The following CACNG5 variants were observed in gnomAD, a reference collection of about 807,000 sequenced individuals.
The protein encoded by CACNG5 is calcium voltage-gated channel auxiliary subunit gamma 5.
CACNG5 carries 18 observed loss-of-function variants against 24.8 expected under a neutral mutation model. The ratio of observed to expected loss-of-function variants is 0.73; its 90% CI spans 0.50 to 1.08. The LOEUF (loss-of-function observed/expected upper bound fraction) is 1.08. CACNG5 is among the 50% of genes least tolerant of loss of function. The pLI is 0.00. For synonymous variants in CACNG5, 157 were observed against 149.1 expected, an observed-to-expected ratio of 1.05 and a Z score of -0.39; for missense variants, 349 against 367.9, an observed-to-expected ratio of 0.95 and a Z score of 0.42.
intron 1 of CACNG5, among the ~76,000 whole-genome samples, chr17:66,871,338 T>G (rs2048137): frequency 0.51 from 77,642 of 151,864 alleles, 20,431 homozygotes; most frequent in South Asian, 0.64. Context: ...CACTCTGAGT[T>G]TTCTCTGAGC....
At chr17:66,857,531 G>A (rs1424562837) in intron 1 of CACNG5, among the ~76,000 whole-genome samples, 2 of 152,168 alleles carry the variant, frequency 1.3e-5, no homozygotes, top group East Asian at 3.8e-4. Context: ...TGTGATCAAT[G>A]TTTTTTAAAT....
intron 1 of CACNG5, among the ~76,000 whole-genome samples, chr17:66,852,764 C>T (rs1048838892): frequency 6.6e-6 from 1 of 152,100 alleles, no homozygotes; most frequent in African/African-American, 2.4e-5. Flanking sequence ...TCTACAAGTT[C>T]ATATAAAGGA....
intron 1 of CACNG5, among the ~76,000 whole-genome samples, chr17:66,840,063 A>G (rs948989338): frequency 1.3e-5 from 2 of 152,168 alleles, no homozygotes; most frequent in African/African-American, 4.8e-5. Context: ...GACGAGCCAC[A>G]GAATCTCTCT....
intron 2 of CACNG5, 116 bp downstream of exon 2, chr17:66,877,644 G>A (rs1237100744): frequency 1.4e-5 from 12 of 842,982 alleles, no homozygotes; most frequent in East Asian, 1.3e-4. Context: ...CACCACGGAT[G>A]ATCCCTATAT....
chr17:66,848,143 G>T (rs1976663098), intron 1 of CACNG5, among the ~76,000 whole-genome samples: 1 of 152,194 alleles, frequency 6.6e-6, no homozygotes, highest in African/African-American at 2.4e-5. Flanking sequence ...CGGTAGCAGG[G>T]GTCTTGATCT....
At chr17:66,872,162 T>A (rs1977016870) in intron 1 of CACNG5, among the ~76,000 whole-genome samples, 1 of 152,244 alleles carries the variant, frequency 6.6e-6, no homozygotes, top group African/African-American at 2.4e-5. Flanking sequence ...TTTGGGTTAT[T>A]TCTTTCCAGT....
rs544102672 is a variant in CACNG5, at chr17:66,848,796, G to A, written c.-104+13546G>A. Among the ~76,000 whole-genome samples, 432 of 152,260 alleles carry A rather than the reference G, an allele frequency of 2.8e-3. 1 individual carries two copies. Among genetic ancestry groups the A allele is most frequent in the Non-Finnish European group, 4.8e-3 (329 of 68,016 alleles). On this transcript the variant is annotated intron_variant, in intron 1 of 5. Coordinates refer to ENST00000533854, the MANE Select transcript of CACNG5 (RefSeq NM_145811.3). ...GCTGGATGCAAGGAGAAGCCAGGAC[G>A]TCTGACCTTGACCTTGGGATTAACA...
chr17:66,874,574 C>T (rs1482313052), intron 1 of CACNG5, among the ~76,000 whole-genome samples: 5 of 152,118 alleles, frequency 3.3e-5, no homozygotes, highest in Non-Finnish European at 5.9e-5. Flanking sequence ...ATCCAGTCTT[C>T]GAGGGTGAGA....
intron 2 of CACNG5, among the ~76,000 whole-genome samples, chr17:66,878,094 G>A (rs183259496): frequency 6.6e-6 from 1 of 152,354 alleles, no homozygotes; most frequent in East Asian, 1.9e-4. Context: ...CAGCATGGTA[G>A]AGGTTTTGAC....
intron 1 of CACNG5, among the ~76,000 whole-genome samples, chr17:66,844,745 C>T (rs1368943472): frequency 1.3e-5 from 2 of 152,150 alleles, no homozygotes; most frequent in African/African-American, 2.4e-5. Flanking sequence ...TGAATGTCTA[C>T]GAGGTCACTA....
At position 66,894,177 on chromosome 17, in the gene CACNG5, C is replaced by T. The variant is rs1977382256; in HGVS notation, c.*8937C>T. Among the ~76,000 whole-genome samples the T allele has an allele frequency of 6.6e-6, 1 of 152,178 alleles. No individual in the cohort carries two copies. The highest frequency in any genetic ancestry group is 2.4e-5 in the African/African-American group (1 of 41,440). On this transcript the variant is annotated 3_prime_UTR_variant, in exon 6 of 6. Transcript: ENST00000533854. ...ATCAATTGCACCTCCTCACTCATGT[C>T]CTTCCAGGTGTGGGGACTGTCCCCA...
intron 1 of CACNG5, among the ~76,000 whole-genome samples, chr17:66,858,991 C>A (rs988726952): frequency 6.6e-6 from 1 of 152,188 alleles, no homozygotes; most frequent in African/African-American, 2.4e-5. Flanking sequence ...CCATGAGAAG[C>A]GATGGCCTTT....
rs1015946430 is a variant in CACNG5, at chr17:66,867,756, G to C, written c.-103-9474G>C. Among the ~76,000 whole-genome samples the C allele has an allele frequency of 2.6e-5, 4 of 152,196 alleles. No individual in the cohort carries two copies. The East Asian group carries it at 7.7e-4, about 29-fold the overall frequency. On this transcript the variant is annotated intron_variant, in intron 1 of 5. Transcript: ENST00000533854. ...CTTTCCCCATTGCTTGTTTTTGTCAGGTTTGTTGAAGATCAAATCATTGTA... is the reference window on the plus strand; with the variant it reads ...CTTTCCCCATTGCTTGTTTTTGTCACGTTTGTTGAAGATCAAATCATTGTA...
At chr17:66,858,090 A>T (rs1976805963) in intron 1 of CACNG5, among the ~76,000 whole-genome samples, 1 of 152,116 alleles carries the variant, frequency 6.6e-6, no homozygotes, top group Admixed American at 6.5e-5. Context: ...GAAAGCAGAC[A>T]CTTTCCTCTC....
intron 1 of CACNG5, among the ~76,000 whole-genome samples, chr17:66,844,821 C>T (rs1976614863): frequency 6.6e-6 from 1 of 152,166 alleles, no homozygotes. Context: ...CATCCAAAGT[C>T]ACCAAGCTCA....
In CACNG5 at chr17:66,884,513, C is replaced by T; in HGVS notation, c.425-3C>T. The T allele has an allele frequency of 1.2e-6, 2 of 1,604,662 alleles. No homozygotes were observed. The highest frequency in any genetic ancestry group is 1.7e-6 in the Non-Finnish European group (2 of 1,174,420). ...CATCCCCTCTCCCCTGCTGCCCAAC[C>T]AGGCCTCTCTCTCGTGGTGGGCCTG... is the stretch of plus-strand genomic sequence containing the variant. On this transcript the variant is annotated splice_region_variant and splice_polypyrimidine_tract_variant and intron_variant, in intron 4 of 5. Coordinates refer to ENST00000533854, the MANE Select transcript of CACNG5 (RefSeq NM_145811.3).
chr17:66,890,420 C>T lies in CACNG5; in HGVS notation c.*5180C>T, dbSNP rs918267136. Among the ~76,000 whole-genome samples, 1 of 152,248 alleles carries T rather than the reference C, an allele frequency of 6.6e-6. No homozygotes were observed. Among genetic ancestry groups the T allele is most frequent in the Non-Finnish European group, 1.5e-5 (1 of 68,034 alleles). On this transcript the variant is annotated 3_prime_UTR_variant, in exon 6 of 6. Transcript: ENST00000533854. ...CCTCTAGCATCCACGTCTCCCAGGA[C>T]AGGTGCTAGGGCCTCATGTCCTTGG... is the stretch of plus-strand genomic sequence containing the variant.
chr17:66,839,813 G>A (rs1214512863), intron 1 of CACNG5, among the ~76,000 whole-genome samples: 7 of 152,158 alleles, frequency 4.6e-5, no homozygotes, highest in Non-Finnish European at 1.0e-4. Flanking sequence ...AGGCACAAAC[G>A]CCGCTCCAGG....
intron 1 of CACNG5, among the ~76,000 whole-genome samples, chr17:66,856,966 G>A (rs148209304): frequency 6.9e-4 from 105 of 151,272 alleles, no homozygotes; most frequent in African/African-American, 2.4e-3. Context: ...TTATATAAGT[G>A]GAATCATGAA....
Sources: allele counts gnomAD v4.1 joint callset (sites outside exome capture counted in the v4.1 genomes callset), GRCh38; gene constraint gnomAD v4.1.1; transcripts MANE v1.5; gene names NCBI Gene and HGNC (gene_info 2026-07-23, HGNC 2026-07-21).